PRKCB: variants seen among roughly 807,000 people sequenced by gnomAD.
The protein encoded by PRKCB is protein kinase C beta.
In PRKCB, 13 loss-of-function variants were observed where a neutral mutation model predicts 81.5. The observed-to-expected ratio is 0.16, with a 90% CI of 0.10 to 0.25. The LOEUF is 0.25. PRKCB is among the 10% of genes least tolerant of loss of function. The probability of loss-of-function intolerance (pLI) is 1.00; values close to 1 mark genes in which losing one functional copy is unlikely to be tolerated. For synonymous variants in PRKCB, 335 were observed against 321.4 expected, an observed-to-expected ratio of 1.04 and a Z score of -0.45; for missense variants, 509 against 875.7, an observed-to-expected ratio of 0.58 and a Z score of 5.29.
intron 7 of PRKCB, among the ~76,000 whole-genome samples, chr16:24,100,519 G>A (rs766545176): frequency 5.3e-5 from 8 of 152,162 alleles, no homozygotes; most frequent in Admixed American, 2.0e-4. Flanking sequence ...TCCCCCTGAG[G>A]AGTCTTTTCT....
At chr16:23,975,550 C>T (rs1209237741) in intron 2 of PRKCB, among the ~76,000 whole-genome samples, 2 of 152,178 alleles carry the variant, frequency 1.3e-5, no homozygotes, top group Non-Finnish European at 2.9e-5. Context: ...CTCATAGTTC[C>T]TGGCTGACTC....
intron 2 of PRKCB, among the ~76,000 whole-genome samples, chr16:23,917,476 T>C (rs970105733): frequency 6.6e-6 from 1 of 152,214 alleles, no homozygotes; most frequent in Non-Finnish European, 1.5e-5. Flanking sequence ...CTTCCTGTGG[T>C]TCTGTCCAAG....
intron 9 of PRKCB, among the ~76,000 whole-genome samples, chr16:24,132,049 T>C (rs1194130158): frequency 6.6e-6 from 1 of 152,212 alleles, no homozygotes; most frequent in Non-Finnish European, 1.5e-5. Flanking sequence ...TCGTGTGATC[T>C]TGACCTCCCT....
chr16:24,110,226 TC>T (rs1188742053), intron 7 of PRKCB, among the ~76,000 whole-genome samples: 2 of 151,096 alleles, frequency 1.3e-5, no homozygotes, highest in African/African-American at 4.9e-5. Context: ...ATTTTTTTTT[TC>T]TTGAGACGGT....
intron 2 of PRKCB, among the ~76,000 whole-genome samples, chr16:23,883,842 T>A (rs1241127831): frequency 6.6e-6 from 1 of 152,148 alleles, no homozygotes; most frequent in Non-Finnish European, 1.5e-5. Flanking sequence ...CCAGTAGAAA[T>A]ATAACATGAG....
intron 7 of PRKCB, among the ~76,000 whole-genome samples, chr16:24,108,985 A>ACC (rs1434740004): frequency 1.3e-4 from 9 of 67,610 alleles, no homozygotes; most frequent in South Asian, 4.9e-4. Context: ...CGGGGGACTG[A>ACC]CCCCCCCACC....
rs770240439 is a variant in PRKCB at position 24,094,151 on chromosome 16, T to A, written c.687-12T>A. On this transcript the variant is annotated splice_polypyrimidine_tract_variant and intron_variant, in intron 6 of 16. Transcript: ENST00000643927. ...CAACCTCCACTGATGTCTTTTCTTT[T>A]TCTCTATGCAGTCAGCTGAAAGAAT... 9.3e-6 allele frequency: 15 copies of A among 1,611,440 alleles called. No individual in the cohort carries two copies. Among genetic ancestry groups the A allele is most frequent in the Non-Finnish European group, 1.3e-5 (15 of 1,179,116 alleles).
chr16:23,915,706 A>AAAAAAAAAAAAAAAC, intron 2 of PRKCB, among the ~76,000 whole-genome samples: 1 of 150,776 alleles, frequency 6.6e-6, no homozygotes, highest in Non-Finnish European at 1.5e-5. Context: ...AAAAAAAAAA[A>AAAAAAAAAAAAAAAC]AAAAAAGCAG....
intron 3 of PRKCB, among the ~76,000 whole-genome samples, chr16:24,009,763 C>T (rs1051154053): frequency 1.3e-5 from 2 of 151,906 alleles, no homozygotes; most frequent in Admixed American, 6.6e-5. Context: ...TCTGTAATCC[C>T]AGCACTTTGG....
chr16:23,898,359 A>G (rs1429296669), intron 2 of PRKCB, among the ~76,000 whole-genome samples: 1 of 151,980 alleles, frequency 6.6e-6, no homozygotes, highest in Non-Finnish European at 1.5e-5. Flanking sequence ...GAGCCACCGC[A>G]CTGGACCCTG....
intron 16 of PRKCB, among the ~76,000 whole-genome samples, chr16:24,193,993 T>A (rs1225148871): frequency 6.6e-6 from 1 of 152,096 alleles, no homozygotes; most frequent in African/African-American, 2.4e-5. Context: ...TAGTAAGGGC[T>A]TAGTGAAAGG....
intron 2 of PRKCB, among the ~76,000 whole-genome samples, chr16:23,931,511 T>A (rs1963975095): frequency 6.6e-6 from 1 of 152,140 alleles, no homozygotes; most frequent in African/African-American, 2.4e-5. Context: ...AGGCTGAGTG[T>A]CATCAGGTTG....
chr16:24,125,379 C>T (rs974471993), intron 9 of PRKCB, among the ~76,000 whole-genome samples: 1 of 152,168 alleles, frequency 6.6e-6, no homozygotes, highest in Non-Finnish European at 1.5e-5. Flanking sequence ...TGTGCTCTGG[C>T]CACAACATCA....
intron 2 of PRKCB, among the ~76,000 whole-genome samples, chr16:23,923,973 C>A (rs1165826013): frequency 6.6e-6 from 1 of 152,044 alleles, no homozygotes; most frequent in Admixed American, 6.5e-5. Context: ...CTTGTCACTG[C>A]CAAGCGTGTA....
chr16:24,081,264 TAA>T (rs576041051), intron 5 of PRKCB, among the ~76,000 whole-genome samples: 13 of 142,168 alleles, frequency 9.1e-5, no homozygotes, highest in African/African-American at 2.8e-4. Context: ...GGCTTAATAA[TAA>T]AAAAAAAAAT....
intron 16 of PRKCB, among the ~76,000 whole-genome samples, chr16:24,207,447 C>A (rs1052803895): frequency 6.6e-6 from 1 of 152,106 alleles, no homozygotes; most frequent in African/African-American, 2.4e-5. Flanking sequence ...TTCGAATCTC[C>A]ATAAGCCTGT....
intron 16 of PRKCB, among the ~76,000 whole-genome samples, chr16:24,205,265 C>T (rs1357025391): frequency 6.6e-6 from 1 of 151,108 alleles, no homozygotes; most frequent in African/African-American, 2.4e-5. Context: ...ATTCCCCGTG[C>T]CTCAGCCTCT....
chr16:23,943,122 T>A (rs771050512), intron 2 of PRKCB, among the ~76,000 whole-genome samples: 45 of 152,164 alleles, frequency 3.0e-4, no homozygotes, highest in Non-Finnish European at 6.0e-4. Flanking sequence ...TGCTCTGCCA[T>A]CCACCAGACT....
intron 2 of PRKCB, among the ~76,000 whole-genome samples, chr16:23,979,057 G>T (rs1301234038): frequency 6.6e-6 from 1 of 152,126 alleles, no homozygotes; most frequent in East Asian, 1.9e-4. Flanking sequence ...AGTAGGTAGG[G>T]ATAATATTGA....
Sources: allele counts gnomAD v4.1 joint callset (sites outside exome capture counted in the v4.1 genomes callset), GRCh38; gene constraint gnomAD v4.1.1; transcripts MANE v1.5; gene names NCBI Gene and HGNC (gene_info 2026-07-23, HGNC 2026-07-21).